Variants in BCAS1 observed in about 807,000 individuals in gnomAD.
The protein encoded by BCAS1 is brain enriched myelin associated protein 1.
In BCAS1, 46 loss-of-function variants were observed where a neutral mutation model predicts 65.4. The ratio of observed to expected loss-of-function variants is 0.70; its 90% CI spans 0.55 to 0.90. The LOEUF (loss-of-function observed/expected upper bound fraction) is 0.90, where lower values mean the gene tolerates loss of function less well. Ranked by LOEUF, BCAS1 falls within the 40% of genes least tolerant of loss-of-function variation. The probability of loss-of-function intolerance (pLI) is 0.00; values close to 1 mark genes in which losing one functional copy is unlikely to be tolerated. For missense variants in BCAS1, 793 were observed against 771.2 expected (o/e 1.03, Z -0.33); for synonymous variants, 298 against 293.5 (o/e 1.02, Z -0.16).
At chr20:54,033,429 A>C (rs1023227039) in intron 3 of BCAS1, among the ~76,000 whole-genome samples, 6 of 151,052 alleles carry the variant, frequency 4.0e-5, no homozygotes, top group African/African-American at 1.2e-4. Flanking sequence ...AAAATAGAAA[A>C]GATTCAAATA....
intron 4 of BCAS1, among the ~76,000 whole-genome samples, chr20:54,017,882 A>G (rs2091472640): frequency 6.6e-6 from 1 of 152,134 alleles, no homozygotes; most frequent in African/African-American, 2.4e-5. Context: ...AAAATACCCA[A>G]TGTTACGGAA....
chr20:54,004,869 T>C (rs1022858230), intron 4 of BCAS1, among the ~76,000 whole-genome samples: 1 of 152,200 alleles, frequency 6.6e-6, no homozygotes, highest in Non-Finnish European at 1.5e-5. Flanking sequence ...GCACTTTCCC[T>C]AACTCTAGGT....
intron 3 of BCAS1, among the ~76,000 whole-genome samples, chr20:54,048,627 A>G (rs898901459): frequency 1.3e-5 from 2 of 152,218 alleles, no homozygotes; most frequent in Admixed American, 6.5e-5. Flanking sequence ...CAATTGGCTC[A>G]TGTACTTGGT....
At chr20:54,024,093 T>C (rs2091619380) in intron 4 of BCAS1, among the ~76,000 whole-genome samples, 1 of 152,216 alleles carries the variant, frequency 6.6e-6, no homozygotes, top group Admixed American at 6.5e-5. Context: ...CTAGATACTA[T>C]TATTATCCCC....
In BCAS1 at chr20:53,944,816, C is replaced by T. The variant is rs1033822546; in HGVS notation, c.*106G>A. 5.7e-5 allele frequency: 60 copies of T among 1,061,456 alleles called. No homozygotes were observed. The Admixed American group carries it at 1.0e-3, about 18-fold the overall frequency. The allele number at this position is 1,061,456 out of a possible 1,614,324, so 65.8% of individuals were successfully genotyped here. A position where few individuals can be genotyped will look rare whatever the true frequency, so the allele number is the denominator to read the frequency against. ...TAATTTCTAGGCAGAATTTCATTTG[C>T]TGGCCATCAGAAGAATATATACATG... On this transcript the variant is annotated 3_prime_UTR_variant, in exon 13 of 13. Coordinates refer to ENST00000688948, the MANE Select transcript of BCAS1 (RefSeq NM_001366298.2).
intron 1 of BCAS1, among the ~76,000 whole-genome samples, chr20:54,062,391 G>A (rs979312164): frequency 6.6e-6 from 1 of 152,166 alleles, no homozygotes; most frequent in Non-Finnish European, 1.5e-5. Flanking sequence ...CAATTTTGCT[G>A]GTGTGGAAAC....
chr20:54,037,768 C>T (rs1189965489), intron 3 of BCAS1, among the ~76,000 whole-genome samples: 1 of 151,060 alleles, frequency 6.6e-6, no homozygotes, highest in African/African-American at 2.4e-5. Flanking sequence ...CCACATTTGC[C>T]TGATTCCAAA....
chr20:54,010,541 G>A (rs1002682360), intron 4 of BCAS1, among the ~76,000 whole-genome samples: 1 of 152,126 alleles, frequency 6.6e-6, no homozygotes, highest in Non-Finnish European at 1.5e-5. Context: ...CAAAACATGT[G>A]CAAAACTTGT....
chr20:54,013,751 C>G (rs2091372526), intron 4 of BCAS1, among the ~76,000 whole-genome samples: 1 of 152,196 alleles, frequency 6.6e-6, no homozygotes, highest in African/African-American at 2.4e-5. Flanking sequence ...GAATACTCTG[C>G]AGGCATTACA....
In BCAS1 at chr20:53,996,000, A is replaced by G; in HGVS notation, c.774T>C (p.Asp258=). 6 of 1,612,188 alleles carry G rather than the reference A, an allele frequency of 3.7e-6. No individual in the cohort carries two copies. Among genetic ancestry groups the G allele is most frequent in the Non-Finnish European group, 5.1e-6 (6 of 1,178,886 alleles). ...EKEGQELGTA[D]CSVPGDPEGL... ...CTTCTGGGTCCCCAGGGACAGAGCAATCCGCAGTTCCAAGTTCTTGTCCTT... is the reference window on the plus strand; with the variant it reads ...CTTCTGGGTCCCCAGGGACAGAGCAGTCCGCAGTTCCAAGTTCTTGTCCTT... Residue 258 remains aspartate (D), a synonymous_variant, in exon 5 of 13, where the codon GAT becomes GAC. Transcript: ENST00000688948.
intron 11 of BCAS1, among the ~76,000 whole-genome samples, chr20:53,956,579 A>C (rs868436017): frequency 2.0e-4 from 31 of 152,194 alleles, no homozygotes; most frequent in Admixed American, 4.6e-4. Context: ...CAACCCCATA[A>C]GGAAGTACTT....
At chr20:53,968,354 C>T (rs2090092159) in intron 9 of BCAS1, among the ~76,000 whole-genome samples, 1 of 152,302 alleles carries the variant, frequency 6.6e-6, no homozygotes, top group African/African-American at 2.4e-5. Flanking sequence ...GGCCAGACCC[C>T]TAGCTTCTTG....
chr20:53,951,429 C>T (rs972591695), intron 12 of BCAS1, among the ~76,000 whole-genome samples: 54 of 152,334 alleles, frequency 3.5e-4, no homozygotes, highest in African/African-American at 1.3e-3. Context: ...CGAGATTGCA[C>T]CATTGCACTC....
intron 1 of BCAS1, among the ~76,000 whole-genome samples, chr20:54,059,085 C>T (rs1045564226): frequency 6.6e-6 from 1 of 152,124 alleles, no homozygotes; most frequent in Non-Finnish European, 1.5e-5. Flanking sequence ...CTCAGTATCA[C>T]GAGAACAGCG....
intron 4 of BCAS1, among the ~76,000 whole-genome samples, chr20:54,006,603 T>C (rs2091199288): frequency 6.6e-6 from 1 of 150,576 alleles, no homozygotes. Context: ...CCAGCTACGG[T>C]GGAGGCTGAG....
chr20:53,979,992 C>G (rs531972747), intron 8 of BCAS1, among the ~76,000 whole-genome samples: 1 of 152,004 alleles, frequency 6.6e-6, no homozygotes, highest in Non-Finnish European at 1.5e-5. Context: ...CTACGGAACC[C>G]CTTATAAACA....
At chr20:53,947,649 C>A (rs951783688) in intron 12 of BCAS1, among the ~76,000 whole-genome samples, 2 of 152,190 alleles carry the variant, frequency 1.3e-5, no homozygotes, top group South Asian at 4.1e-4. Flanking sequence ...CGAGCCCAAG[C>A]CACTTCAGTC....
At chr20:53,971,004 T>C (rs953218526) in intron 9 of BCAS1, among the ~76,000 whole-genome samples, 15 of 152,324 alleles carry the variant, frequency 9.8e-5, no homozygotes, top group African/African-American at 3.6e-4. Context: ...CTTTCCCATC[T>C]TCAAGACTAT....
chr20:53,951,467 A>G (rs2089523487), intron 12 of BCAS1, among the ~76,000 whole-genome samples: 1 of 152,194 alleles, frequency 6.6e-6, no homozygotes, highest in Non-Finnish European at 1.5e-5. Context: ...GCGAAACTCC[A>G]TCTCAAAAAA....
Sources: allele counts gnomAD v4.1 joint callset (sites outside exome capture counted in the v4.1 genomes callset), GRCh38; gene constraint gnomAD v4.1.1; transcripts MANE v1.5; gene names NCBI Gene and HGNC (gene_info 2026-07-23, HGNC 2026-07-21).